Variants in BATF3 observed in about 807,000 individuals in gnomAD.
BATF3 encodes the protein basic leucine zipper ATF-like transcription factor 3.
A neutral mutation model predicts 16.1 loss-of-function variants in BATF3; 8 were observed. The ratio of observed to expected loss-of-function variants is 0.50; its 90% CI spans 0.29 to 0.90. BATF3 has a LOEUF of 0.90. BATF3 is among the 40% of genes least tolerant of loss of function. The pLI is 0.08. For missense variants in BATF3, 139 were observed against 167.0 expected, an observed-to-expected ratio of 0.83 and a Z score of 0.92; for synonymous variants, 74 against 72.7, an observed-to-expected ratio of 1.02 and a Z score of -0.09.
chr1:212,699,709 C>T lies in BATF3; in HGVS notation c.54G>A (p.Ala18=). 4.5e-6 allele frequency: 6 copies of T among 1,348,286 alleles called. 1 individual carries two copies. The Admixed American group carries it at 1.5e-4, about 34-fold the overall frequency. 83.5% of individuals were successfully genotyped at this position (1,348,286 alleles called of 1,614,324 possible). Residue 18 remains alanine, a synonymous_variant, in exon 1 of 3, where the codon GCG becomes GCA. Coordinates refer to ENST00000243440, the MANE Select transcript of BATF3 (RefSeq NM_018664.3). The surrounding 1 kb of genome is among the most constrained non-coding windows in gnomAD (Gnocchi z 4.4). ...GCTGCGGCTGCGGCTGGTTCCCGGG[C>T]GCCGCGACGCTCCTCTGCAGGACGC... ...AGSVLQRSVA[A]PGNQPQPQPQ... is the part of the protein sequence containing the mutation.
chr1:212,689,668 G>A lies in BATF3; in HGVS notation c.196-2689C>T, dbSNP rs970169339. Among the ~76,000 whole-genome samples the A allele has an allele frequency of 6.6e-6, 1 of 152,032 alleles. No homozygotes were observed. The highest frequency in any genetic ancestry group is 2.4e-5 in the African/African-American group (1 of 41,384). On this transcript the variant is annotated intron_variant, in intron 2 of 2. Coordinates refer to ENST00000243440, the MANE Select transcript of BATF3 (RefSeq NM_018664.3). This position sits in a 1 kb window ranked among gnomAD's most constrained non-coding sequence, Gnocchi z 4.6. ...GGAATCATGCAGGCAGCAGAGGGAT[G>A]AGAAAAGCTGCAGCACACACACACG...
At chr1:212,695,994 G>A (rs911336568) in intron 2 of BATF3, among the ~76,000 whole-genome samples, 1 of 152,180 alleles carries the variant, frequency 6.6e-6, no homozygotes, top group African/African-American at 2.4e-5. Flanking sequence ...TACATCACAG[G>A]AGCCTGCAGT....
At position 212,689,478 on chromosome 1, in the gene BATF3, C is replaced by G. The variant is rs1656942434; in HGVS notation, c.196-2499G>C. ...CCAGTACACTGGCCCCATTCTGCCT[C>G]TATCCTCCTCCCTGCCTCCCACTCC... is the stretch of plus-strand genomic sequence containing the variant. On this transcript the variant is annotated intron_variant, in intron 2 of 2. Transcript: ENST00000243440. This position sits in a 1 kb window ranked among gnomAD's most constrained non-coding sequence, Gnocchi z 4.6. Among the ~76,000 whole-genome samples, 1 of 152,198 alleles carries G rather than the reference C, an allele frequency of 6.6e-6. No individual in the cohort carries two copies. Among genetic ancestry groups the G allele is most frequent in the Non-Finnish European group, 1.5e-5 (1 of 68,034 alleles).
intron 2 of BATF3, chr1:212,687,585 C>T (rs576630251): frequency 1.3e-5 from 2 of 152,908 alleles, no homozygotes; most frequent in Admixed American, 1.3e-4. Flanking sequence ...GTTCTGGGCA[C>T]TCCTGCCCTC....
At chr1:212,688,053 A>G (rs1174003116) in intron 2 of BATF3, among the ~76,000 whole-genome samples, 5 of 146,154 alleles carry the variant, frequency 3.4e-5, no homozygotes, top group Admixed American at 6.7e-5. Flanking sequence ...AGAGAAAGAG[A>G]AAGAGAGAAA....
In BATF3 at chr1:212,686,723, G is replaced by A. The variant is rs1445629513; in HGVS notation, c.*68C>T. On this transcript the variant is annotated 3_prime_UTR_variant, in exon 3 of 3. Transcript: ENST00000243440. ...GGTGCCCCCTGTATACAATTGTGAA[G>A]GAAAAGCCTTCCTCCCAGGTATGAA... 1 of 1,530,482 alleles carries A rather than the reference G, an allele frequency of 6.5e-7. No individual in the cohort carries two copies. Among genetic ancestry groups the A allele is most frequent in the East Asian group, 2.3e-5 (1 of 42,592 alleles). 94.8% of individuals were successfully genotyped at this position (1,530,482 alleles called of 1,614,324 possible). A position where few individuals can be genotyped will look rare whatever the true frequency, so the allele number is the denominator to read the frequency against.
chr1:212,686,983 G>C lies in BATF3; in HGVS notation c.196-4C>G, dbSNP rs1225377341. Reference sequence around the variant, plus strand: ...CTTGCTCCAGGCTCTCATATTCCTGGGGGAGACAGAATGGGCAAAATCATT... The same window carrying C: ...CTTGCTCCAGGCTCTCATATTCCTGCGGGAGACAGAATGGGCAAAATCATT... On this transcript the variant is annotated splice_region_variant and splice_polypyrimidine_tract_variant and intron_variant, in intron 2 of 2. Transcript: ENST00000243440. 6.3e-7 allele frequency: 1 copy of C among 1,579,952 alleles called. No individual in the cohort carries two copies. The highest frequency in any genetic ancestry group is 1.3e-5 in the African/African-American group (1 of 74,312).
intron 2 of BATF3, among the ~76,000 whole-genome samples, chr1:212,688,041 A>G (rs1481959448): frequency 6.2e-5 from 9 of 144,076 alleles, no homozygotes; most frequent in Non-Finnish European, 1.4e-4. Flanking sequence ...GGAAGGAAGG[A>G]GAGAGAAAGA....
intron 2 of BATF3, among the ~76,000 whole-genome samples, chr1:212,690,225 C>T (rs1656970159): frequency 6.6e-6 from 1 of 152,216 alleles, no homozygotes; most frequent in Non-Finnish European, 1.5e-5. Flanking sequence ...ATATTCCAAG[C>T]TGCCTTTCTA....
chr1:212,688,106 C>CA (rs1294515259), intron 2 of BATF3, among the ~76,000 whole-genome samples: 2 of 151,596 alleles, frequency 1.3e-5, no homozygotes, highest in Non-Finnish European at 2.9e-5. Context: ...CTGATCCAAA[C>CA]ACTCTCACTT....
At chr1:212,690,713 G>A (rs929545393) in intron 2 of BATF3, among the ~76,000 whole-genome samples, 36 of 152,172 alleles carry the variant, frequency 2.4e-4, no homozygotes, top group Admixed American at 2.2e-3. Flanking sequence ...CCTCTAGCTC[G>A]AATTCTGCCA....
rs895106025 is a variant in BATF3, at chr1:212,686,497, A to T, written c.*294T>A. ...GACAATAAGCATCTTTATTATCCAA[A>T]TTCTAGAGGAAATGGCTCTGCATAA... is the stretch of plus-strand genomic sequence containing the variant. On this transcript the variant is annotated 3_prime_UTR_variant, in exon 3 of 3. Transcript: ENST00000243440. 2.6e-6 allele frequency: 1 copy of T among 387,430 alleles called. No individual in the cohort carries two copies. Among genetic ancestry groups the T allele is most frequent in the Non-Finnish European group, 4.7e-6 (1 of 213,562 alleles). 24.0% of individuals were successfully genotyped at this position (387,430 alleles called of 1,614,324 possible).
At chr1:212,697,296 ACT>A (rs1283919113) in intron 1 of BATF3, 1 of 464,374 alleles carries the variant, frequency 2.2e-6, no homozygotes, top group African/African-American at 2.0e-5. Context: ...GGAATAAGAA[ACT>A]CAGAGAGGTT....
rs543602909 is a variant in BATF3 at position 212,686,744 on chromosome 1, A to G, written c.*47T>C. On this transcript the variant is annotated 3_prime_UTR_variant, in exon 3 of 3. Transcript: ENST00000243440. ...TGAAGGAAAAGCCTTCCTCCCAGGT[A>G]TGAAAATGACCAAGGCTCCTTGCTG... is the stretch of plus-strand genomic sequence containing the variant. 52 of 1,576,754 alleles carry G rather than the reference A, an allele frequency of 3.3e-5. 1 individual carries two copies. The South Asian group carries it at 5.5e-4, about 17-fold the overall frequency.
chr1:212,693,949 C>T lies in BATF3; in HGVS notation c.195+3012G>A, dbSNP rs147568668. On this transcript the variant is annotated intron_variant, in intron 2 of 2. Transcript: ENST00000243440. ...ACCTTACATAGCAAAAGGGACTATG[C>T]GGATGTGATTAAGAAGCGTGAGATG... Among the ~76,000 whole-genome samples, 14 of 152,268 alleles carry T rather than the reference C, an allele frequency of 9.2e-5. No individual in the cohort carries two copies. The East Asian group carries it at 1.3e-3, about 15-fold the overall frequency.
At chr1:212,696,877 T>A in intron 2 of BATF3, 84 bp downstream of exon 2, 2 of 990,498 alleles carry the variant, frequency 2.0e-6, no homozygotes, top group Non-Finnish European at 3.2e-6. Context: ...GAAATCGTGA[T>A]AAAGAGAACA....
At position 212,689,787 on chromosome 1, in the gene BATF3, TCA is replaced by T. The variant is rs1014766549; in HGVS notation, c.196-2810_196-2809del. On this transcript the variant is annotated intron_variant, in intron 2 of 2. Coordinates refer to ENST00000243440, the MANE Select transcript of BATF3 (RefSeq NM_018664.3). This position sits in a 1 kb window ranked among gnomAD's most constrained non-coding sequence, Gnocchi z 4.6. ...CACTCACACACGTCCGCAAACACAC[TCA>T]CACACTCTCATACACAGCCCGACAC... 4.2e-4 allele frequency among the ~76,000 whole-genome samples: 62 copies of T among 147,554 alleles called. No individual in the cohort carries two copies. The East Asian group carries it at 8.8e-3, about 21-fold the overall frequency.
At chr1:212,698,022 G>A (rs1657173456) in intron 1 of BATF3, 1 of 152,214 alleles carries the variant, frequency 6.6e-6, no homozygotes, top group Non-Finnish European at 1.5e-5. Context: ...GTTATCATTT[G>A]ATCTCATCTT....
intron 2 of BATF3, among the ~76,000 whole-genome samples, chr1:212,687,285 G>A (rs1280353186): frequency 1.3e-5 from 2 of 152,128 alleles, no homozygotes; most frequent in African/African-American, 2.4e-5. Context: ...ACTCCAAAAA[G>A]TTCCCCATGC....
Sources: allele counts gnomAD v4.1 joint callset (sites outside exome capture counted in the v4.1 genomes callset), GRCh38; gene constraint gnomAD v4.1.1; non-coding constraint Gnocchi (gnomAD v3.1); transcripts MANE v1.5; gene names NCBI Gene and HGNC (gene_info 2026-07-23, HGNC 2026-07-21).